GALNT17: variants seen among roughly 807,000 people sequenced by gnomAD.
The protein encoded by GALNT17 is UDP-GalNAc:polypeptide N-acetylgalactosaminyltransferase-like 3.
In GALNT17, 29 loss-of-function variants were observed where a neutral mutation model predicts 63.7. The ratio of observed to expected loss-of-function variants is 0.46; its 90% CI spans 0.34 to 0.62. GALNT17 has a LOEUF of 0.62. Ranked by LOEUF, GALNT17 falls within the 20% of genes least tolerant of loss-of-function variation. The pLI, the probability that GALNT17 is intolerant of heterozygous loss-of-function variation, is 0.01. For missense variants in GALNT17, 603 were observed against 799.6 expected, an observed-to-expected ratio of 0.75 and a Z score of 2.97; for synonymous variants, 305 against 318.3, an observed-to-expected ratio of 0.96 and a Z score of 0.45.
At chr7:71,201,239 T>TATATCTATA (rs1554338078) in intron 1 of GALNT17, among the ~76,000 whole-genome samples, 1 of 101,564 alleles carries the variant, frequency 9.8e-6, no homozygotes, top group African/African-American at 3.8e-5. Flanking sequence ...GTGTGTTTAT[T>TATATCTATA]TTTATATATA....
At chr7:71,483,549 G>T (rs1194522280) in intron 5 of GALNT17, among the ~76,000 whole-genome samples, 2 of 151,478 alleles carry the variant, frequency 1.3e-5, no homozygotes, top group African/African-American at 2.4e-5. Context: ...TGTAAACACT[G>T]TATGGTTAGG....
At position 71,213,024 on chromosome 7, in the gene GALNT17, G is replaced by A. The variant is rs1230265242; in HGVS notation, c.238+79984G>A. On this transcript the variant is annotated intron_variant, in intron 1 of 10. Coordinates refer to ENST00000333538, the MANE Select transcript of GALNT17 (RefSeq NM_022479.3). ...GAAGGCATGATTGGTTTTGAAATGT[G>A]AGGACATGAGATTTGGAGGGACCAG... Among the ~76,000 whole-genome samples the A allele has an allele frequency of 2.6e-5, 4 of 152,126 alleles. No individual in the cohort carries two copies. The East Asian group carries it at 5.8e-4, about 22-fold the overall frequency.
intron 1 of GALNT17, among the ~76,000 whole-genome samples, chr7:71,264,463 C>G (rs532485630): frequency 6.6e-6 from 1 of 152,252 alleles, no homozygotes; most frequent in East Asian, 1.9e-4. Flanking sequence ...ATACCCTCCA[C>G]AATCCTAGTG....
At chr7:71,135,008 T>C (rs942542412) in intron 1 of GALNT17, among the ~76,000 whole-genome samples, 1 of 151,972 alleles carries the variant, frequency 6.6e-6, no homozygotes, top group African/African-American at 2.4e-5. Flanking sequence ...TGCATCACCA[T>C]GCCCTTCTAA....
chr7:71,313,633 C>A (rs1016889651), intron 1 of GALNT17, among the ~76,000 whole-genome samples: 1 of 152,060 alleles, frequency 6.6e-6, no homozygotes, highest in Admixed American at 6.5e-5. Flanking sequence ...GACTTTTTGA[C>A]CTTAAAAAAT....
chr7:71,213,120 A>G (rs1304115149), intron 1 of GALNT17, among the ~76,000 whole-genome samples: 2 of 152,166 alleles, frequency 1.3e-5, no homozygotes, highest in Middle Eastern at 3.4e-3. Context: ...CAGAATTCCC[A>G]CCTGTTGTAG....
chr7:71,199,414 T>C (rs943245632), intron 1 of GALNT17, among the ~76,000 whole-genome samples: 1 of 152,134 alleles, frequency 6.6e-6, no homozygotes, highest in African/African-American at 2.4e-5. Flanking sequence ...ATCATCTGTC[T>C]GTCCACTGGC....
At chr7:71,584,515 T>C (rs1322202568) in intron 6 of GALNT17, among the ~76,000 whole-genome samples, 1 of 152,170 alleles carries the variant, frequency 6.6e-6, no homozygotes, top group Non-Finnish European at 1.5e-5. Context: ...TACTTTACAG[T>C]GCATTGCCAA....
intron 5 of GALNT17, among the ~76,000 whole-genome samples, chr7:71,422,129 A>G (rs1353897003): frequency 6.6e-6 from 1 of 152,074 alleles, no homozygotes; most frequent in African/African-American, 2.4e-5. Flanking sequence ...ACTAAAATGA[A>G]GAAGGGGTTG....
intron 1 of GALNT17, among the ~76,000 whole-genome samples, chr7:71,326,428 C>G (rs1413581303): frequency 2.0e-5 from 3 of 152,158 alleles, no homozygotes; most frequent in Admixed American, 2.0e-4. Flanking sequence ...CCACTACACT[C>G]CAGCCTGGGT....
At chr7:71,567,160 T>C (rs1200224791) in intron 5 of GALNT17, among the ~76,000 whole-genome samples, 5 of 152,166 alleles carry the variant, frequency 3.3e-5, no homozygotes, top group African/African-American at 4.8e-5. Flanking sequence ...ATGGGCTCAT[T>C]TGATGCTTTT....
At chr7:71,662,114 A>G (rs1398926004) in intron 6 of GALNT17, among the ~76,000 whole-genome samples, 1 of 152,090 alleles carries the variant, frequency 6.6e-6, no homozygotes, top group African/African-American at 2.4e-5. Flanking sequence ...ACATAGTGCC[A>G]AGTCAGACTG....
chr7:71,348,578 C>T (rs1321960121), intron 2 of GALNT17, among the ~76,000 whole-genome samples: 1 of 152,138 alleles, frequency 6.6e-6, no homozygotes, highest in Non-Finnish European at 1.5e-5. Context: ...TGTTTATAAC[C>T]CCCGGGGTCA....
At chr7:71,627,152 TAAAC>T (rs1467768178) in intron 6 of GALNT17, among the ~76,000 whole-genome samples, 1 of 152,224 alleles carries the variant, frequency 6.6e-6, no homozygotes, top group African/African-American at 2.4e-5. Context: ...GCTTGTGACT[TAAAC>T]AGAGTTAAGT....
chr7:71,582,861 G>A (rs753404273), intron 6 of GALNT17, among the ~76,000 whole-genome samples: 1 of 152,078 alleles, frequency 6.6e-6, no homozygotes, highest in Non-Finnish European at 1.5e-5. Context: ...CAAATAGGGT[G>A]CAGGGTATAG....
At chr7:71,407,851 A>C (rs1301446976) in intron 3 of GALNT17, among the ~76,000 whole-genome samples, 1 of 152,064 alleles carries the variant, frequency 6.6e-6, no homozygotes, top group Non-Finnish European at 1.5e-5. Flanking sequence ...TTCATGAACC[A>C]TGTGTATTAG....
chr7:71,228,821 CA>C (rs1295932483), intron 1 of GALNT17, among the ~76,000 whole-genome samples: 1 of 152,188 alleles, frequency 6.6e-6, no homozygotes, highest in East Asian at 1.9e-4. Flanking sequence ...ATCACATTTG[CA>C]GAGACCCTGT....
chr7:71,669,157 C>T (rs1013211446), intron 7 of GALNT17, among the ~76,000 whole-genome samples: 2 of 152,090 alleles, frequency 1.3e-5, no homozygotes, highest in African/African-American at 2.4e-5. Context: ...GCTGTAGGTT[C>T]CTGATTTTGC....
At chr7:71,700,111 G>A (rs895654593) in intron 9 of GALNT17, among the ~76,000 whole-genome samples, 1 of 151,680 alleles carries the variant, frequency 6.6e-6, no homozygotes, top group Non-Finnish European at 1.5e-5. Flanking sequence ...GGCCAACATA[G>A]CGAAAGCCCA....
Sources: allele counts gnomAD v4.1 joint callset (sites outside exome capture counted in the v4.1 genomes callset), GRCh38; gene constraint gnomAD v4.1.1; transcripts MANE v1.5; gene names NCBI Gene and HGNC (gene_info 2026-07-23, HGNC 2026-07-21).